PLD5: variants seen among roughly 807,000 people sequenced by gnomAD.
PLD5 encodes the protein inactive phospholipase D5.
Under a neutral mutation model 61.1 loss-of-function variants are expected in PLD5, and 36 were observed. The observed-to-expected ratio is 0.59, with a 90% CI of 0.45 to 0.78. The LOEUF is 0.78. PLD5 is among the 30% of genes least tolerant of loss of function. The pLI, the probability that PLD5 is intolerant of heterozygous loss-of-function variation, is 0.00. For synonymous variants in PLD5, 243 were observed against 242.8 expected (o/e 1.00, Z -0.01); for missense variants, 515 against 644.4 (o/e 0.80, Z 2.17).
chr1:242,091,559 C>T (rs1659824605), intron 9 of PLD5, among the ~76,000 whole-genome samples: 1 of 152,202 alleles, frequency 6.6e-6, no homozygotes, highest in African/African-American at 2.4e-5. Context: ...ATACCCATAA[C>T]AGTATGTGCT....
At chr1:242,388,468 G>A (rs1240706113) in intron 1 of PLD5, among the ~76,000 whole-genome samples, 1 of 152,158 alleles carries the variant, frequency 6.6e-6, no homozygotes, top group Non-Finnish European at 1.5e-5. Flanking sequence ...GACCATGGAA[G>A]GCAAGTGGGG....
intron 1 of PLD5, among the ~76,000 whole-genome samples, chr1:242,522,214 A>T (rs938064554): frequency 2.0e-5 from 3 of 152,218 alleles, no homozygotes; most frequent in Admixed American, 6.5e-5. Context: ...AATGAGGAGA[A>T]TGATTTTTTT....
intron 1 of PLD5, among the ~76,000 whole-genome samples, chr1:242,485,603 CAAG>C (rs1667933505): frequency 6.6e-6 from 1 of 151,954 alleles, no homozygotes; most frequent in Admixed American, 6.6e-5. Flanking sequence ...TGCTCATGGG[CAAG>C]AAGAATCAAT....
chr1:242,242,347 G>T (rs1424386942), intron 4 of PLD5, among the ~76,000 whole-genome samples: 1 of 152,068 alleles, frequency 6.6e-6, no homozygotes, highest in Non-Finnish European at 1.5e-5. Context: ...GTCTTGCTGA[G>T]AGCAAACAGC....
At chr1:242,330,597 C>G (rs1659108771) in intron 2 of PLD5, among the ~76,000 whole-genome samples, 1 of 152,120 alleles carries the variant, frequency 6.6e-6, no homozygotes, top group Non-Finnish European at 1.5e-5. Context: ...GATCATCATT[C>G]CTCTTTGTAT....
chr1:242,464,017 A>C (rs747543621), intron 1 of PLD5, among the ~76,000 whole-genome samples: 3 of 152,042 alleles, frequency 2.0e-5, no homozygotes, highest in Non-Finnish European at 4.4e-5. Flanking sequence ...AAGGTTGCCC[A>C]TGGCCTCCAC....
Position 242,349,642 on chromosome 1 carries a change from A to T in PLD5, c.190-1400T>A, listed in dbSNP as rs140364631. On this transcript the variant is annotated intron_variant, in intron 1 of 9. Transcript: ENST00000536534. ...ATACATATCATTAGGCCCCAGTATGATAATCTGAGCCATCTCTCTCTCTAG... is the reference window on the plus strand; with the variant it reads ...ATACATATCATTAGGCCCCAGTATGTTAATCTGAGCCATCTCTCTCTCTAG... Among the ~76,000 whole-genome samples, 14 of 152,312 alleles carry T rather than the reference A, an allele frequency of 9.2e-5. No individual in the cohort carries two copies. The East Asian group carries it at 2.7e-3, about 29-fold the overall frequency.
chr1:242,331,230 G>C (rs576017273), intron 2 of PLD5, among the ~76,000 whole-genome samples: 1 of 152,280 alleles, frequency 6.6e-6, no homozygotes, highest in South Asian at 2.1e-4. Flanking sequence ...ACAGTTTAGC[G>C]TGCAGCGATT....
chr1:242,219,520 T>C (rs1457365027), intron 5 of PLD5, among the ~76,000 whole-genome samples: 2 of 152,212 alleles, frequency 1.3e-5, no homozygotes, highest in African/African-American at 4.8e-5. Flanking sequence ...AAATCCTAAG[T>C]GTGTGAAAAT....
At chr1:242,132,122 C>G (rs1023724668) in intron 5 of PLD5, among the ~76,000 whole-genome samples, 1 of 141,556 alleles carries the variant, frequency 7.1e-6, no homozygotes, top group Admixed American at 7.8e-5. Context: ...TGAGCCACCA[C>G]GCCCAGACTT....
At position 242,281,687 on chromosome 1, in the gene PLD5, G is replaced by A. The variant is rs565746769; in HGVS notation, c.495+6675C>T. Among the ~76,000 whole-genome samples, 91 of 152,268 alleles carry A rather than the reference G, an allele frequency of 6.0e-4. 1 individual carries two copies. Among genetic ancestry groups the A allele is most frequent in the Admixed American group, 1.1e-3 (17 of 15,290 alleles). On this transcript the variant is annotated intron_variant, in intron 3 of 9. Coordinates refer to ENST00000536534, the MANE Select transcript of PLD5 (RefSeq NM_001372062.1). ...GAGAGGTAAAAAAAGGTATTCTTAAGCTTGTAGAATTCTTGAGAATGGGGC... is the reference window on the plus strand; with the variant it reads ...GAGAGGTAAAAAAAGGTATTCTTAAACTTGTAGAATTCTTGAGAATGGGGC...
At position 242,393,938 on chromosome 1, in the gene PLD5, T is replaced by C. The variant is rs1663156092; in HGVS notation, c.190-45696A>G. Among the ~76,000 whole-genome samples, 2 of 143,178 alleles carry C rather than the reference T, an allele frequency of 1.4e-5. 1 individual carries two copies. Among genetic ancestry groups the C allele is most frequent in the Non-Finnish European group, 3.0e-5 (2 of 66,364 alleles). 93.9% of individuals were successfully genotyped at this position (143,178 alleles called of 152,430 possible). A position where few individuals can be genotyped will look rare whatever the true frequency, so the allele number is the denominator to read the frequency against. ...AGCTGGGTGTGGGGGTGCGTGCCTG[T>C]AATCCCAGCTACTCAGGAGGCTGAG... On this transcript the variant is annotated intron_variant, in intron 1 of 9. Coordinates refer to ENST00000536534, the MANE Select transcript of PLD5 (RefSeq NM_001372062.1).
At chr1:242,440,097 G>C (rs887984837) in intron 1 of PLD5, among the ~76,000 whole-genome samples, 4 of 152,202 alleles carry the variant, frequency 2.6e-5, no homozygotes, top group African/African-American at 9.7e-5. Context: ...TGGAGCTCCT[G>C]TCCTAAGATA....
intron 2 of PLD5, among the ~76,000 whole-genome samples, chr1:242,323,999 G>A (rs1476020707): frequency 6.6e-6 from 1 of 152,022 alleles, no homozygotes; most frequent in Non-Finnish European, 1.5e-5. Context: ...GTACATCCCT[G>A]TAGAGTCAGA....
chr1:242,090,876 T>C (rs1223485008), intron 9 of PLD5, among the ~76,000 whole-genome samples: 2 of 152,182 alleles, frequency 1.3e-5, no homozygotes, highest in Non-Finnish European at 2.9e-5. Context: ...GGCTTGTAGA[T>C]GGACATTTTC....
At chr1:242,415,157 C>A (rs1664751197) in intron 1 of PLD5, among the ~76,000 whole-genome samples, 2 of 152,238 alleles carry the variant, frequency 1.3e-5, no homozygotes, top group Non-Finnish European at 1.5e-5. Context: ...AGGTAGGAAC[C>A]CAAAATGGCA....
chr1:242,386,524 G>A (rs1434211408), intron 1 of PLD5, among the ~76,000 whole-genome samples: 3 of 152,070 alleles, frequency 2.0e-5, no homozygotes, highest in Non-Finnish European at 4.4e-5. Context: ...CCTTCTTTCA[G>A]TTTACAGGAA....
chr1:242,209,396 A>C (rs1558346429), intron 5 of PLD5: 1 of 152,204 alleles, frequency 6.6e-6, no homozygotes. Flanking sequence ...TTTTTTACAA[A>C]TTGAAGATCT....
At chr1:242,161,374 C>T (rs1259806546) in intron 5 of PLD5, among the ~76,000 whole-genome samples, 5 of 151,772 alleles carry the variant, frequency 3.3e-5, no homozygotes, top group Admixed American at 6.6e-5. Context: ...CGCCCTCCCA[C>T]GAATTATGGG....
Sources: allele counts gnomAD v4.1 joint callset (sites outside exome capture counted in the v4.1 genomes callset), GRCh38; gene constraint gnomAD v4.1.1; transcripts MANE v1.5; gene names NCBI Gene and HGNC (gene_info 2026-07-23, HGNC 2026-07-21).